Variants in DYNC1I1 observed in about 807,000 individuals in gnomAD.
DYNC1I1 encodes the protein dynein cytoplasmic 1 intermediate chain 1.
In DYNC1I1, 43 loss-of-function variants were observed where a neutral mutation model predicts 86.6. The ratio of observed to expected loss-of-function variants is 0.50; its 90% CI spans 0.39 to 0.64. DYNC1I1 has a LOEUF of 0.64. Among genes scored for constraint, DYNC1I1 ranks in the 30% least tolerant of loss-of-function variants. The probability of loss-of-function intolerance (pLI) is 0.00; values close to 1 mark genes in which losing one functional copy is unlikely to be tolerated. For synonymous variants in DYNC1I1, 262 were observed against 283.7 expected (o/e 0.92, Z 0.77); for missense variants, 604 against 788.8 (o/e 0.77, Z 2.81).
chr7:95,817,678 T>G (rs538325361), intron 4 of DYNC1I1, among the ~76,000 whole-genome samples: 1 of 152,278 alleles, frequency 6.6e-6, no homozygotes, highest in African/African-American at 2.4e-5. Context: ...TTACATAAAA[T>G]TATTAAACAT....
intron 16 of DYNC1I1, among the ~76,000 whole-genome samples, chr7:96,082,888 A>G (rs1790565970): frequency 6.6e-6 from 1 of 152,184 alleles, no homozygotes; most frequent in Non-Finnish European, 1.5e-5. Context: ...TATTTGTACT[A>G]TCGTACTGGC....
intron 6 of DYNC1I1, among the ~76,000 whole-genome samples, chr7:95,944,109 T>C (rs973025979): frequency 6.6e-6 from 1 of 152,050 alleles, no homozygotes; most frequent in Non-Finnish European, 1.5e-5. Flanking sequence ...TGGAGAAAAT[T>C]TTTGCAACCT....
At chr7:95,891,141 A>G (rs553244612) in intron 6 of DYNC1I1, among the ~76,000 whole-genome samples, 2 of 152,332 alleles carry the variant, frequency 1.3e-5, no homozygotes. Flanking sequence ...CCCATGTGAA[A>G]AAAACAGGGA....
chr7:96,025,494 A>C (rs1341096232), intron 10 of DYNC1I1, among the ~76,000 whole-genome samples: 2 of 152,186 alleles, frequency 1.3e-5, no homozygotes, highest in African/African-American at 2.4e-5. Flanking sequence ...GCAGCAAAAC[A>C]AAGTAGACTC....
intron 6 of DYNC1I1, among the ~76,000 whole-genome samples, chr7:95,951,355 A>G (rs1792547487): frequency 6.6e-6 from 1 of 152,178 alleles, no homozygotes; most frequent in Admixed American, 6.5e-5. Context: ...GATATGCTAC[A>G]GGAGAGGCAG....
At chr7:95,826,253 T>C (rs904032460) in intron 4 of DYNC1I1, among the ~76,000 whole-genome samples, 1 of 152,240 alleles carries the variant, frequency 6.6e-6, no homozygotes, top group East Asian at 1.9e-4. Flanking sequence ...AGAGGTTCTA[T>C]GTAAAAAGAC....
chr7:95,881,271 G>C (rs890248926), intron 6 of DYNC1I1, among the ~76,000 whole-genome samples: 1 of 152,134 alleles, frequency 6.6e-6, no homozygotes, highest in African/African-American at 2.4e-5. Flanking sequence ...ATGAATGTGT[G>C]TCAATGCTGA....
chr7:95,949,130 A>C (rs1164844602), intron 6 of DYNC1I1, among the ~76,000 whole-genome samples: 4 of 152,158 alleles, frequency 2.6e-5, no homozygotes, highest in African/African-American at 9.7e-5. Context: ...TTGGACTTCA[A>C]GGAGAAATTA....
In DYNC1I1 at chr7:95,792,753, TTTCCTCC is replaced by T. The variant is rs1286966528; in HGVS notation, c.-9-11966_-9-11960del. Among the ~76,000 whole-genome samples the T allele has an allele frequency of 5.3e-5, 8 of 152,132 alleles. No individual in the cohort carries two copies. The East Asian group carries it at 1.4e-3, about 26-fold the overall frequency. On this transcript the variant is annotated intron_variant, in intron 1 of 16. Coordinates refer to ENST00000447467, the MANE Select transcript of DYNC1I1 (RefSeq NM_001135556.2). ...AAGATAAGTAGAAGGAAAAGATATTTTTCCTCCTCCACACTGGATGCCCTAGGAAGGC... is the reference window on the plus strand; with the variant it reads ...AAGATAAGTAGAAGGAAAAGATATTTTCCACACTGGATGCCCTAGGAAGGC...
intron 14 of DYNC1I1, among the ~76,000 whole-genome samples, chr7:96,051,109 CAGTTT>C: frequency 6.6e-6 from 1 of 152,082 alleles, no homozygotes; most frequent in Non-Finnish European, 1.5e-5. Flanking sequence ...TCCTGTGCTG[CAGTTT>C]AGTTTAGTGG....
intron 14 of DYNC1I1, among the ~76,000 whole-genome samples, chr7:96,050,182 T>C (rs752965135): frequency 3.3e-5 from 5 of 151,938 alleles, no homozygotes; most frequent in African/African-American, 4.8e-5. Flanking sequence ...AATAATAAAA[T>C]ATTAAAAAAG....
chr7:96,033,388 A>G (rs1794857315), intron 12 of DYNC1I1, among the ~76,000 whole-genome samples: 1 of 152,204 alleles, frequency 6.6e-6, no homozygotes, highest in South Asian at 2.1e-4. Context: ...GAAGTGGGAG[A>G]GGCTGTCAAA....
At chr7:95,830,685 A>G (rs1795301625) in intron 5 of DYNC1I1, among the ~76,000 whole-genome samples, 1 of 152,160 alleles carries the variant, frequency 6.6e-6, no homozygotes. Context: ...TTTAATGCAC[A>G]TATGCTTTCA....
intron 14 of DYNC1I1, among the ~76,000 whole-genome samples, chr7:96,057,765 T>A (rs1789624111): frequency 6.6e-6 from 1 of 152,200 alleles, no homozygotes; most frequent in Admixed American, 6.5e-5. Flanking sequence ...GGGTACTAAA[T>A]GATTAATGTG....
chr7:95,886,058 A>C (rs1030312409), intron 6 of DYNC1I1, among the ~76,000 whole-genome samples: 5 of 152,224 alleles, frequency 3.3e-5, no homozygotes, highest in African/African-American at 1.2e-4. Context: ...TTACTTGCCC[A>C]GTACAATATG....
intron 1 of DYNC1I1, among the ~76,000 whole-genome samples, chr7:95,794,713 C>A (rs1794393022): frequency 6.6e-6 from 1 of 152,108 alleles, no homozygotes; most frequent in African/African-American, 2.4e-5. Flanking sequence ...TAAAGTAGTA[C>A]AATTTGGGTA....
chr7:95,913,000 C>A (rs990647007), intron 6 of DYNC1I1, among the ~76,000 whole-genome samples: 19 of 152,136 alleles, frequency 1.2e-4, no homozygotes, highest in African/African-American at 4.1e-4. Context: ...AGAAAGCAAG[C>A]TAGTTAAATC....
At chr7:96,077,998 T>C (rs1392745506) in intron 15 of DYNC1I1, among the ~76,000 whole-genome samples, 3 of 152,200 alleles carry the variant, frequency 2.0e-5, no homozygotes, top group Admixed American at 2.0e-4. Flanking sequence ...ATAGTAGAGA[T>C]ACATTGAGTC....
chr7:95,875,459 T>C (rs1410360053), intron 6 of DYNC1I1, among the ~76,000 whole-genome samples: 47 of 152,178 alleles, frequency 3.1e-4, no homozygotes, highest in Non-Finnish European at 4.4e-5. Context: ...GGAGAAAATA[T>C]ACAAAATAAA....
Sources: allele counts gnomAD v4.1 joint callset (sites outside exome capture counted in the v4.1 genomes callset), GRCh38; gene constraint gnomAD v4.1.1; transcripts MANE v1.5; gene names NCBI Gene and HGNC (gene_info 2026-07-23, HGNC 2026-07-21).